Variants in FRMD4A observed in about 807,000 individuals in gnomAD.
FRMD4A encodes the protein FERM domain-containing protein 4A.
Under a neutral mutation model 129.1 loss-of-function variants are expected in FRMD4A, and 29 were observed. That is an observed-to-expected ratio of 0.22 (90% CI 0.17 to 0.31). FRMD4A has a LOEUF of 0.31. Ranked by LOEUF, FRMD4A falls within the 10% of genes least tolerant of loss-of-function variation. FRMD4A has a pLI of 1.00. For missense variants in FRMD4A, 1,272 were observed against 1,375.8 expected (o/e 0.92, Z 1.19); for synonymous variants, 634 against 571.6 (o/e 1.11, Z -1.56).
At chr10:13,679,480 C>T (rs34714992) in intron 15 of FRMD4A, among the ~76,000 whole-genome samples, 17,600 of 71,594 alleles carry the variant, frequency 0.25, 2,742 homozygotes, top group Non-Finnish European at 0.32. Flanking sequence ...TATATACACA[C>T]ACACACACAC....
rs189481404 is a variant in FRMD4A, at chr10:14,225,865, A to T, written c.45+104193T>A. Among the ~76,000 whole-genome samples, 13 of 152,314 alleles carry T rather than the reference A, an allele frequency of 8.5e-5. 1 individual carries two copies. In the East Asian group the frequency reaches 2.3e-3, roughly 27 times the overall value. Reference sequence around the variant, plus strand: ...TGGGTTCTAGATATTGTTGCTCAGAAGTTTTGTATGAGTCAGAATCTCCCA... The same window carrying T: ...TGGGTTCTAGATATTGTTGCTCAGATGTTTTGTATGAGTCAGAATCTCCCA... On this transcript the variant is annotated intron_variant, in intron 2 of 24. Transcript: ENST00000357447.
At chr10:13,647,351 T>C (rs534415895) in intron 24 of FRMD4A, 2 of 152,346 alleles carry the variant, frequency 1.3e-5, no homozygotes, top group East Asian at 3.9e-4. Context: ...GAAATACTCA[T>C]GCCTGGGCCC....
chr10:14,055,947 T>G (rs2131694420), intron 2 of FRMD4A, among the ~76,000 whole-genome samples: 1 of 152,388 alleles, frequency 6.6e-6, no homozygotes, highest in South Asian at 2.1e-4. Flanking sequence ...TCTCTCTTTT[T>G]TTTTTGAGAC....
At chr10:13,736,307 G>C (rs1015639964) in intron 12 of FRMD4A, among the ~76,000 whole-genome samples, 2 of 152,162 alleles carry the variant, frequency 1.3e-5, no homozygotes, top group African/African-American at 4.8e-5. Flanking sequence ...ATACAGGGAG[G>C]AAGAGGTATG....
chr10:13,688,221 A>T (rs1208282734), intron 15 of FRMD4A, among the ~76,000 whole-genome samples: 1 of 152,212 alleles, frequency 6.6e-6, no homozygotes, highest in Non-Finnish European at 1.5e-5. Context: ...GCCATAAAAA[A>T]TGATGAGTTC....
intron 2 of FRMD4A, among the ~76,000 whole-genome samples, chr10:13,999,788 C>T (rs2095635131): frequency 6.6e-6 from 1 of 152,214 alleles, no homozygotes; most frequent in South Asian, 2.1e-4. Flanking sequence ...TGATCAAGTT[C>T]TCCACCAAGA....
intron 2 of FRMD4A, among the ~76,000 whole-genome samples, chr10:13,882,939 G>A (rs573502952): frequency 6.6e-6 from 1 of 152,012 alleles, no homozygotes; most frequent in East Asian, 2.0e-4. Flanking sequence ...AAGTAGCCGG[G>A]ACTACTGGTG....
At chr10:13,884,138 A>ACGCT in intron 2 of FRMD4A, among the ~76,000 whole-genome samples, 1 of 23,096 alleles carries the variant, frequency 4.3e-5, no homozygotes, top group East Asian at 1.5e-3. Context: ...ACACGCTCAC[A>ACGCT]CACACTCTCA....
intron 2 of FRMD4A, among the ~76,000 whole-genome samples, chr10:13,955,112 C>CTTGTTTTTTTTTTTTTT (rs548228203): frequency 9.7e-6 from 1 of 102,974 alleles, no homozygotes; most frequent in Non-Finnish European, 1.8e-5. Flanking sequence ...AATAATTCTG[C>CTTGTTTTTTTTTTTTTT]TTTTTTTTTT....
At chr10:13,717,868 C>T (rs549706793) in intron 12 of FRMD4A, among the ~76,000 whole-genome samples, 1 of 151,860 alleles carries the variant, frequency 6.6e-6, no homozygotes, top group South Asian at 2.1e-4. Context: ...GGACTGGCAA[C>T]CAGCTCTGCA....
At chr10:14,132,165 G>A (rs149227329) in intron 2 of FRMD4A, among the ~76,000 whole-genome samples, 3,075 of 152,216 alleles carry the variant, frequency 0.02, 74 homozygotes, top group Non-Finnish European at 0.026. Context: ...ACTTGCTGCT[G>A]TAGTCCCAGC....
intron 24 of FRMD4A, 160 bp downstream of exon 24, chr10:13,651,743 C>A (rs2081608437): frequency 4.8e-6 from 3 of 620,062 alleles, no homozygotes; most frequent in South Asian, 2.0e-5. Context: ...GATGTAAGAA[C>A]CTTCAGCTAA....
At position 14,038,118 on chromosome 10, in the gene FRMD4A, C is replaced by G. The variant is rs574513800; in HGVS notation, c.46-179206G>C. Among the ~76,000 whole-genome samples the G allele has an allele frequency of 4.6e-5, 7 of 152,208 alleles. No individual in the cohort carries two copies. In the East Asian group the frequency reaches 5.8e-4, roughly 13 times the overall value. On this transcript the variant is annotated intron_variant, in intron 2 of 24. Transcript: ENST00000357447. ...CGGGTGGATCACGAAGTCAGGAGAT[C>G]GAGACCATCCTGGCTAACACAGTGA...
intron 2 of FRMD4A, among the ~76,000 whole-genome samples, chr10:14,045,305 G>A (rs1227937040): frequency 6.6e-6 from 1 of 152,058 alleles, no homozygotes; most frequent in Non-Finnish European, 1.5e-5. Context: ...AACATCTGGT[G>A]TGTTCTCACT....
At position 14,184,298 on chromosome 10, in the gene FRMD4A, A is replaced by ATTTTTTTTTTTTTT. The variant is rs60196881; in HGVS notation, c.45+145746_45+145759dup. On this transcript the variant is annotated intron_variant, in intron 2 of 24. Coordinates refer to ENST00000357447, the MANE Select transcript of FRMD4A (RefSeq NM_018027.5). ...AGGTGCATACCACCACAACCGGTTA[A>ATTTTTTTTTTTTTT]TTTTTTTTTTTTTTTTAGTAGAGAT... is the stretch of plus-strand genomic sequence containing the variant. Among the ~76,000 whole-genome samples, 17 of 104,892 alleles carry ATTTTTTTTTTTTTT rather than the reference A, an allele frequency of 1.6e-4. 3 individuals carry two copies. The highest frequency in any genetic ancestry group is 4.2e-4 in the African/African-American group (12 of 28,426). The allele number at this position is 104,892 out of a possible 152,430, so 68.8% of individuals were successfully genotyped here.
At chr10:14,251,887 G>GCGCA (rs140155180) in intron 2 of FRMD4A, among the ~76,000 whole-genome samples, 2 of 150,690 alleles carry the variant, frequency 1.3e-5, no homozygotes, top group African/African-American at 2.4e-5. Context: ...GCACACATGT[G>GCGCA]CACACACACA....
chr10:13,940,236 G>A (rs1310234544), intron 2 of FRMD4A, among the ~76,000 whole-genome samples: 1 of 152,018 alleles, frequency 6.6e-6, no homozygotes, highest in Admixed American at 6.5e-5. Context: ...CAAGGTCATG[G>A]GTTGACTTCT....
chr10:14,124,701 A>ACAACAACAAC (rs1554765433), intron 2 of FRMD4A, among the ~76,000 whole-genome samples: 1 of 151,602 alleles, frequency 6.6e-6, no homozygotes, highest in East Asian at 1.9e-4. Context: ...AACAACAACA[A>ACAACAACAAC]AACAAAACAA....
chr10:13,846,145 A>G (rs1030892997), intron 3 of FRMD4A, among the ~76,000 whole-genome samples: 1 of 152,258 alleles, frequency 6.6e-6, no homozygotes, highest in Admixed American at 6.5e-5. Context: ...TAAGCGTTCA[A>G]TTAGCTAATA....
Sources: allele counts gnomAD v4.1 joint callset (sites outside exome capture counted in the v4.1 genomes callset), GRCh38; gene constraint gnomAD v4.1.1; transcripts MANE v1.5; gene names NCBI Gene and HGNC (gene_info 2026-07-23, HGNC 2026-07-21).